SLC60A1: variants seen among roughly 807,000 people sequenced by gnomAD.
SLC60A1 encodes the protein solute carrier family 60 member 1.
the SLC60A1 span, among the ~76,000 whole-genome samples, chr1:205,569,453 C>A: frequency 6.7e-6 from 1 of 150,058 alleles, no homozygotes; most frequent in Non-Finnish European, 1.5e-5. Flanking sequence ...CCCCTCCCAG[C>A]TCCATCTTGG....
chr1:205,575,028 G>GC, the SLC60A1 span, among the ~76,000 whole-genome samples: 3 of 152,202 alleles, frequency 2.0e-5, no homozygotes, highest in Non-Finnish European at 4.4e-5. Flanking sequence ...TTAGAGGGGG[G>GC]CCTTTTTATC....
At chr1:205,602,848 TTTG>T in the SLC60A1 span, 35 of 152,340 alleles carry the variant, frequency 2.3e-4, no homozygotes, top group Middle Eastern at 3.4e-3. Context: ...TTGTGACTAA[TTTG>T]TTAATACAGA....
the SLC60A1 span, among the ~76,000 whole-genome samples, chr1:205,570,718 T>G: frequency 6.6e-6 from 1 of 152,204 alleles, no homozygotes; most frequent in African/African-American, 2.4e-5. Context: ...TCAGAAAATC[T>G]TAAGGACAAG....
At chr1:205,581,804 C>T in the SLC60A1 span, among the ~76,000 whole-genome samples, 2 of 152,186 alleles carry the variant, frequency 1.3e-5, no homozygotes, top group Non-Finnish European at 2.9e-5. The surrounding 1 kb of genome is among the most constrained non-coding windows in gnomAD (Gnocchi z 4.2). Context: ...AGCAGCTGCC[C>T]AGCTGCTGCT....
the SLC60A1 span, chr1:205,599,056 G>C: frequency 3.2e-6 from 5 of 1,578,772 alleles, no homozygotes; most frequent in Non-Finnish European, 4.3e-6. Context: ...CAAGGATGGA[G>C]AAGGCTGCTT....
At chr1:205,589,826 T>TACAA in the SLC60A1 span, among the ~76,000 whole-genome samples, 1 of 152,160 alleles carries the variant, frequency 6.6e-6, no homozygotes, top group East Asian at 1.9e-4. Context: ...ACACAGACTG[T>TACAA]CTGTTATTGT....
chr1:205,569,865 C>A, the SLC60A1 span, among the ~76,000 whole-genome samples: 1 of 152,142 alleles, frequency 6.6e-6, no homozygotes, highest in Admixed American at 6.5e-5. Flanking sequence ...TCCCTTCCCC[C>A]GGGTAGCCAC....
At chr1:205,570,413 A>G in the SLC60A1 span, among the ~76,000 whole-genome samples, 2 of 137,678 alleles carry the variant, frequency 1.5e-5, no homozygotes, top group African/African-American at 5.1e-5. Context: ...TCCCAGAGAA[A>G]CCTCTGGAGG....
chr1:205,584,957 G>C, the SLC60A1 span: 757,810 of 1,612,780 alleles, frequency 0.47, 184,815 homozygotes, highest in African/African-American at 0.66. Flanking sequence ...CACATCACGG[G>C]CGCCCTGGTA....
the SLC60A1 span, among the ~76,000 whole-genome samples, chr1:205,592,915 A>G: frequency 6.6e-6 from 1 of 152,308 alleles, no homozygotes; most frequent in Non-Finnish European, 1.5e-5. Context: ...TTTGTAAGCT[A>G]ATTTTCAGTA....
the SLC60A1 span, chr1:205,600,605 A>G: frequency 1.4e-6 from 1 of 697,614 alleles, no homozygotes; most frequent in Non-Finnish European, 2.5e-6. Flanking sequence ...GGGTAGAGGA[A>G]ATTAAATTGA....
At chr1:205,576,145 C>G in the SLC60A1 span, among the ~76,000 whole-genome samples, 14 of 152,282 alleles carry the variant, frequency 9.2e-5, no homozygotes, top group African/African-American at 2.9e-4. Flanking sequence ...TCCAACAGTT[C>G]CTGGGCCAGC....
the SLC60A1 span, chr1:205,592,010 G>C: frequency 8.0e-7 from 1 of 1,254,408 alleles, no homozygotes; most frequent in Admixed American, 2.5e-5. Flanking sequence ...GGTGGCGCGC[G>C]GGTCACACAG....
chr1:205,600,771 C>G, the SLC60A1 span: 1 of 292,026 alleles, frequency 3.4e-6, no homozygotes. Context: ...CATGCATGGA[C>G]CATACTCTGG....
the SLC60A1 span, chr1:205,584,218 ATTTTTTTT>A: frequency 1.1e-3 from 909 of 794,058 alleles, 10 homozygotes; most frequent in East Asian, 0.025. Context: ...ATCACAGGTG[ATTTTTTTT>A]TTTTTTTTTT....
At chr1:205,593,479 G>A in the SLC60A1 span, among the ~76,000 whole-genome samples, 3 of 149,404 alleles carry the variant, frequency 2.0e-5, no homozygotes, top group Non-Finnish European at 3.0e-5. Flanking sequence ...AAAAAGATGA[G>A]CGATTTCTTT....
chr1:205,590,481 G>A, the SLC60A1 span, among the ~76,000 whole-genome samples: 56 of 152,320 alleles, frequency 3.7e-4, no homozygotes, highest in African/African-American at 1.3e-3. Flanking sequence ...CCTCCCCAGG[G>A]AAGGAAGTCT....
chr1:205,600,501 G>A, the SLC60A1 span: 3 of 1,597,216 alleles, frequency 1.9e-6, no homozygotes, highest in East Asian at 2.2e-5. Flanking sequence ...TCAGCCTCTT[G>A]ATCACCAGCA....
the SLC60A1 span, among the ~76,000 whole-genome samples, chr1:205,572,631 A>T: frequency 6.6e-6 from 1 of 152,096 alleles, no homozygotes; most frequent in African/African-American, 2.4e-5. Flanking sequence ...GGAACACAGG[A>T]CAAACCAGCT....
Sources: gnomAD v4.1 joint callset for allele counts (sites outside exome capture counted in the v4.1 genomes callset) on GRCh38, gnomAD v4.1.1 for gene constraint, Gnocchi (gnomAD v3.1) non-coding constraint, MANE v1.5 for transcripts, NCBI Gene and HGNC (gene_info 2026-07-23, HGNC 2026-07-21) for gene names.